The following HEMK2 variants were observed in gnomAD, a reference collection of about 807,000 sequenced individuals.
The protein encoded by HEMK2 is HemK methyltransferase 2, ETF1 glutamine and histone H4 lysine.
the HEMK2 span, among the ~76,000 whole-genome samples, chr21:28,625,228 A>G: frequency 6.6e-6 from 1 of 152,174 alleles, no homozygotes; most frequent in African/African-American, 2.4e-5. Flanking sequence ...TTCAAGAATA[A>G]AGTTATTTTA....
chr21:28,783,647 C>T, the HEMK2 span, among the ~76,000 whole-genome samples: 1 of 152,244 alleles, frequency 6.6e-6, no homozygotes, highest in Non-Finnish European at 1.5e-5. Flanking sequence ...TCGGCACCCA[C>T]TCTGGCCATG....
chr21:28,857,774 G>T, the HEMK2 span, among the ~76,000 whole-genome samples: 1 of 152,094 alleles, frequency 6.6e-6, no homozygotes, highest in Non-Finnish European at 1.5e-5. Flanking sequence ...CCCTCCTTTA[G>T]GGAAAGAGAT....
the HEMK2 span, among the ~76,000 whole-genome samples, chr21:28,578,275 C>A: frequency 6.6e-6 from 1 of 152,198 alleles, no homozygotes; most frequent in African/African-American, 2.4e-5. Flanking sequence ...GAACCTAAAT[C>A]TTTTTGCCCT....
the HEMK2 span, among the ~76,000 whole-genome samples, chr21:28,857,584 T>C: frequency 1.3e-5 from 2 of 152,212 alleles, no homozygotes; most frequent in Non-Finnish European, 2.9e-5. Flanking sequence ...TACAGATTTA[T>C]AAATGTAATA....
chr21:28,878,911 C>T, the HEMK2 span, among the ~76,000 whole-genome samples: 1 of 148,046 alleles, frequency 6.8e-6, no homozygotes, highest in Admixed American at 6.8e-5. Context: ...CTAAGGAATG[C>T]ATTTATTTAT....
At chr21:28,878,842 A>C in the HEMK2 span, among the ~76,000 whole-genome samples, 1 of 150,912 alleles carries the variant, frequency 6.6e-6, no homozygotes, top group Non-Finnish European at 1.5e-5. Context: ...CAAAGTTTCA[A>C]AATGTCCCAA....
At chr21:28,732,083 G>A in the HEMK2 span, among the ~76,000 whole-genome samples, 22 of 152,338 alleles carry the variant, frequency 1.4e-4, no homozygotes, top group African/African-American at 5.1e-4. Context: ...CTGCCGTTTT[G>A]TTCTAGGACG....
At chr21:28,815,963 G>A in the HEMK2 span, among the ~76,000 whole-genome samples, 1 of 152,154 alleles carries the variant, frequency 6.6e-6, no homozygotes, top group Non-Finnish European at 1.5e-5. Flanking sequence ...GTTAAGTAAG[G>A]TAAAATGAGG....
At chr21:28,703,786 G>C in the HEMK2 span, among the ~76,000 whole-genome samples, 7 of 152,192 alleles carry the variant, frequency 4.6e-5, no homozygotes, top group Admixed American at 2.6e-4. Flanking sequence ...AAGTACATTC[G>C]TCCCGTGTAA....
the HEMK2 span, among the ~76,000 whole-genome samples, chr21:28,623,946 A>T: frequency 6.6e-6 from 1 of 152,186 alleles, no homozygotes; most frequent in Admixed American, 6.5e-5. Context: ...ACAAACCTGC[A>T]CGTTCTGCAC....
chr21:28,872,895 C>T, the HEMK2 span: 4 of 152,178 alleles, frequency 2.6e-5, no homozygotes, highest in African/African-American at 9.7e-5. Flanking sequence ...TTTACTGAGT[C>T]CCCCAGTTCA....
At chr21:28,841,267 A>T in the HEMK2 span, among the ~76,000 whole-genome samples, 1 of 8,350 alleles carries the variant, frequency 1.2e-4, no homozygotes, top group African/African-American at 1.4e-3. Context: ...TATATAATAT[A>T]TATTATATAT....
At chr21:28,757,924 T>C in the HEMK2 span, among the ~76,000 whole-genome samples, 1 of 152,204 alleles carries the variant, frequency 6.6e-6, no homozygotes, top group African/African-American at 2.4e-5. Context: ...ATTTCTCCAT[T>C]CCATCATTTT....
At chr21:28,873,061 T>C in the HEMK2 span, 1 of 152,364 alleles carries the variant, frequency 6.6e-6, no homozygotes, top group African/African-American at 2.4e-5. Flanking sequence ...CTTTAAACCA[T>C]ACTTAACTGC....
At chr21:28,834,799 G>A in the HEMK2 span, among the ~76,000 whole-genome samples, 3 of 152,150 alleles carry the variant, frequency 2.0e-5, no homozygotes, top group African/African-American at 4.8e-5. Context: ...GGGATCTGGT[G>A]GTGGGGGCAT....
the HEMK2 span, among the ~76,000 whole-genome samples, chr21:28,796,830 A>G: frequency 6.6e-6 from 1 of 152,162 alleles, no homozygotes; most frequent in Non-Finnish European, 1.5e-5. Context: ...TTAGCCTCCC[A>G]AAGTGCTGGG....
the HEMK2 span, among the ~76,000 whole-genome samples, chr21:28,807,547 C>T: frequency 6.6e-6 from 1 of 152,130 alleles, no homozygotes; most frequent in African/African-American, 2.4e-5. Flanking sequence ...TGTGAGGGCC[C>T]CTATCTTGAG....
chr21:28,729,226 G>T, the HEMK2 span, among the ~76,000 whole-genome samples: 1 of 152,146 alleles, frequency 6.6e-6, no homozygotes, highest in Non-Finnish European at 1.5e-5. Context: ...AAATTTAGTT[G>T]CTGCTTAAGC....
chr21:28,589,800 C>T, the HEMK2 span, among the ~76,000 whole-genome samples: 1 of 151,990 alleles, frequency 6.6e-6, no homozygotes, highest in Non-Finnish European at 1.5e-5. Flanking sequence ...AATTCAAAAT[C>T]CAGAATGTTC....
Sources: allele counts gnomAD v4.1 joint callset (sites outside exome capture counted in the v4.1 genomes callset), GRCh38; gene constraint gnomAD v4.1.1; transcripts MANE v1.5; gene names NCBI Gene and HGNC (gene_info 2026-07-23, HGNC 2026-07-21).